The following CORO7 variants were observed in gnomAD, a reference collection of about 807,000 sequenced individuals.
The protein encoded by CORO7 is coronin-7.
CORO7 carries 107 observed loss-of-function variants against 126.6 expected under a neutral mutation model. The ratio of observed to expected loss-of-function variants is 0.85; its 90% CI spans 0.72 to 0.99. The LOEUF is 0.99. Ranked by LOEUF, CORO7 falls within the 50% of genes least tolerant of loss-of-function variation. The probability of loss-of-function intolerance (pLI) is 0.00; values close to 1 mark genes in which losing one functional copy is unlikely to be tolerated. For missense variants in CORO7, 1,314 were observed against 1,255.8 expected (o/e 1.05, Z -0.70); for synonymous variants, 603 against 536.8 (o/e 1.12, Z -1.70).
At chr16:4,413,601 G>C (rs949185693) in intron 1 of CORO7, 197 bp from the exon 2 acceptor site, 1 of 485,410 alleles carries the variant, frequency 2.1e-6, no homozygotes, top group Non-Finnish European at 3.6e-6. Context: ...GCAGTGGCGC[G>C]ATCTTGGATC....
intron 9 of CORO7, among the ~76,000 whole-genome samples, chr16:4,379,961 G>A (rs958379746): frequency 1.7e-4 from 25 of 151,350 alleles, no homozygotes; most frequent in Non-Finnish European, 7.4e-5. Flanking sequence ...GGGAGGCTGA[G>A]GCAGGAGAAT....
At chr16:4,406,388 T>A (rs564643302) in intron 5 of CORO7, among the ~76,000 whole-genome samples, 1 of 152,304 alleles carries the variant, frequency 6.6e-6, no homozygotes, top group South Asian at 2.1e-4. Flanking sequence ...TTTCACCTCC[T>A]GGGTTCAAGT....
At chr16:4,368,284 T>C (rs13335491) in intron 9 of CORO7, among the ~76,000 whole-genome samples, 4,899 of 151,838 alleles carry the variant, frequency 0.032, 265 homozygotes, top group African/African-American at 0.11. Context: ...CAGGTGGAGT[T>C]TGCAGTGAGC....
intron 9 of CORO7, chr16:4,382,797 C>T (rs778444726): frequency 3.8e-5 from 60 of 1,587,642 alleles, no homozygotes; most frequent in Non-Finnish European, 4.4e-5. Context: ...CAACAGAGGG[C>T]GGTGGAGAGG....
At position 4,360,564 on chromosome 16, in the gene CORO7, G is replaced by GA. The variant is rs1461193942; in HGVS notation, c.1918-17dup. The GA allele has an allele frequency of 6.3e-7, 1 of 1,581,230 alleles. No homozygotes were observed. The highest frequency in any genetic ancestry group is 1.8e-5 in the Admixed American group (1 of 55,114). ...GGCTGAAGATCTGGGGGCAGGAAGGGATATGAGAGACAGCCTTGCTTCACT... is the reference window on the plus strand; with the variant it reads ...GGCTGAAGATCTGGGGGCAGGAAGGGAATATGAGAGACAGCCTTGCTTCACT... On this transcript the variant is annotated splice_polypyrimidine_tract_variant and intron_variant, in intron 19 of 27. Coordinates refer to ENST00000251166, the MANE Select transcript of CORO7 (RefSeq NM_024535.5).
chr16:4,377,443 G>A (rs114491307), intron 9 of CORO7, among the ~76,000 whole-genome samples: 3,905 of 152,172 alleles, frequency 0.026, 176 homozygotes, highest in African/African-American at 0.089. Context: ...GACCCCAGGC[G>A]GGCGGGACAG....
intron 9 of CORO7, among the ~76,000 whole-genome samples, chr16:4,366,141 G>A (rs960593334): frequency 3.3e-5 from 5 of 152,158 alleles, no homozygotes; most frequent in African/African-American, 1.2e-4. Context: ...TCTGAGCCAC[G>A]TGCCCGGGAG....
chr16:4,355,561 C>T (rs970629639), intron 26 of CORO7, 189 bp from the exon 27 acceptor site: 8 of 617,374 alleles, frequency 1.3e-5, no homozygotes, highest in East Asian at 8.5e-5. Context: ...CTCTGCCTCC[C>T]GGGTTTACAC....
At chr16:4,392,842 C>T (rs566003390) in intron 7 of CORO7, among the ~76,000 whole-genome samples, 20 of 152,314 alleles carry the variant, frequency 1.3e-4, no homozygotes, top group Admixed American at 1.0e-3. Flanking sequence ...GCTGCCCCCG[C>T]ACCAGGGCCC....
intron 2 of CORO7, 130 bp downstream of exon 2, chr16:4,413,178 C>T (rs997320934): frequency 1.1e-4 from 101 of 935,822 alleles, no homozygotes; most frequent in Non-Finnish European, 1.5e-4. Context: ...TGGGGCTCAC[C>T]TCTGAGCCCC....
At chr16:4,407,452 TG>T in intron 5 of CORO7, 48 bp downstream of exon 5, 3 of 1,540,192 alleles carry the variant, frequency 1.9e-6, no homozygotes, top group Non-Finnish European at 2.6e-6. Flanking sequence ...AACGGAGTGC[TG>T]TCCAGAGTGG....
chr16:4,386,638 GC>G (rs1486869674), intron 9 of CORO7, among the ~76,000 whole-genome samples: 2 of 152,190 alleles, frequency 1.3e-5, no homozygotes, highest in Admixed American at 1.3e-4. Flanking sequence ...CCCAGAGCAG[GC>G]AGGAGGCTGA....
chr16:4,408,047 G>A, intron 4 of CORO7, 134 bp downstream of exon 4: 1 of 1,363,796 alleles, frequency 7.3e-7, no homozygotes, highest in Non-Finnish European at 1.0e-6. Context: ...ATTCAGACCA[G>A]CCCCGCAGCC....
chr16:4,416,185 G>A (rs539011296), intron 1 of CORO7, among the ~76,000 whole-genome samples: 221 of 152,248 alleles, frequency 1.5e-3, no homozygotes, highest in Non-Finnish European at 2.0e-3. Context: ...GGAGGGCTGC[G>A]CCGCCTCGGG....
At chr16:4,386,651 G>A (rs879410584) in intron 9 of CORO7, among the ~76,000 whole-genome samples, 10 of 152,180 alleles carry the variant, frequency 6.6e-5, no homozygotes, top group Non-Finnish European at 8.8e-5. Flanking sequence ...GGAGGCTGAG[G>A]GCAGCCCTGA....
chr16:4,389,751 C>A (rs954219117), intron 7 of CORO7, among the ~76,000 whole-genome samples: 1 of 152,226 alleles, frequency 6.6e-6, no homozygotes, highest in Non-Finnish European at 1.5e-5. Flanking sequence ...CAGCCCTGCC[C>A]TCAACACCCG....
chr16:4,395,678 C>G (rs1240883146), intron 6 of CORO7, among the ~76,000 whole-genome samples: 1 of 152,210 alleles, frequency 6.6e-6, no homozygotes, highest in African/African-American at 2.4e-5. Context: ...GGTACTATCA[C>G]CATGATCCCT....
In CORO7 at chr16:4,364,388, G is replaced by C; in HGVS notation, c.1163C>G (p.Ala388Gly). The C allele has an allele frequency of 6.6e-7, 1 of 1,511,800 alleles. No homozygotes were observed. The highest frequency in any genetic ancestry group is 2.3e-5 in the East Asian group (1 of 43,620). 93.6% of individuals were successfully genotyped at this position (1,511,800 alleles called of 1,614,324 possible). A position where few individuals can be genotyped will look rare whatever the true frequency, so the allele number is the denominator to read the frequency against. The part of the protein sequence containing the change: ...QQVQKVSLNP[A>G]CRPHPSFTSC... ...AGTGAAGCTCGGGTGGGGCCGGCAGGCGGGGTTGAGGCTGACCTTCTGCAC... is the reference window on the plus strand; with the variant it reads ...AGTGAAGCTCGGGTGGGGCCGGCAGCCGGGGTTGAGGCTGACCTTCTGCAC... Residue 388 changes from alanine (A) to glycine (G), a missense_variant, in exon 14 of 28, where the codon GCC (alanine) becomes GGC (glycine). Ala to Gly is a moderately conservative substitution (Grantham distance 60, BLOSUM62 0). Coordinates refer to ENST00000251166, the MANE Select transcript of CORO7 (RefSeq NM_024535.5).
chr16:4,359,389 C>A lies in CORO7; in HGVS notation c.2251-4G>T. On this transcript the variant is annotated splice_polypyrimidine_tract_variant and splice_region_variant and intron_variant, in intron 22 of 27. Transcript: ENST00000251166. Reference sequence around the variant, plus strand: ...ACAGGAATACACGGGTGTCGCCCTGCGGGGAAGAAGGCAGGCTGGGAACCC... The same window carrying A: ...ACAGGAATACACGGGTGTCGCCCTGAGGGGAAGAAGGCAGGCTGGGAACCC... 1 of 1,613,544 alleles carries A rather than the reference C, an allele frequency of 6.2e-7. No homozygotes were observed.
Sources: gnomAD v4.1 joint callset for allele counts (sites outside exome capture counted in the v4.1 genomes callset) on GRCh38, gnomAD v4.1.1 for gene constraint, MANE v1.5 for transcripts, NCBI Gene and HGNC (gene_info 2026-07-23, HGNC 2026-07-21) for gene names.